Variants in SLC9C2 observed in about 807,000 individuals in gnomAD.
SLC9C2 encodes solute carrier family 9 member C2 (putative).
A neutral mutation model predicts 140.2 loss-of-function variants in SLC9C2; 75 were observed. The ratio of observed to expected loss-of-function variants is 0.53; its 90% CI spans 0.44 to 0.65. SLC9C2 has a LOEUF of 0.65. SLC9C2 is among the 30% of genes least tolerant of loss of function. The probability of loss-of-function intolerance (pLI) is 0.00; values close to 1 mark genes in which losing one functional copy is unlikely to be tolerated. For missense variants in SLC9C2, 1,074 were observed against 1,331.8 expected, an observed-to-expected ratio of 0.81 and a Z score of 3.01; for synonymous variants, 375 against 420.9, an observed-to-expected ratio of 0.89 and a Z score of 1.34.
chr1:173,601,585 GC>G (rs1238344697), intron 2 of SLC9C2, 64 bp downstream of exon 2: 1 of 1,560,470 alleles, frequency 6.4e-7, no homozygotes, highest in Non-Finnish European at 8.7e-7. Flanking sequence ...AGTTGTGATG[GC>G]TTTCTGCATT....
At chr1:173,527,493 C>G (rs1251408541) in intron 18 of SLC9C2, among the ~76,000 whole-genome samples, 1 of 152,186 alleles carries the variant, frequency 6.6e-6, no homozygotes, top group Non-Finnish European at 1.5e-5. Flanking sequence ...ATATTTCTAA[C>G]AAATAACTCC....
chr1:173,565,366 T>C (rs547184643), intron 9 of SLC9C2, among the ~76,000 whole-genome samples: 1 of 152,318 alleles, frequency 6.6e-6, no homozygotes, highest in South Asian at 2.1e-4. Context: ...ATTTAATCCA[T>C]TTTGATTTGA....
intron 13 of SLC9C2, 126 bp downstream of exon 13, chr1:173,547,563 C>A: frequency 1.6e-6 from 1 of 625,658 alleles, no homozygotes; most frequent in Non-Finnish European, 2.6e-6. Context: ...TAACAAATCA[C>A]ACATTAATTT....
intron 17 of SLC9C2, among the ~76,000 whole-genome samples, chr1:173,533,249 CTTTAT>C (rs1383593110): frequency 6.6e-6 from 1 of 152,052 alleles, no homozygotes; most frequent in Non-Finnish European, 1.5e-5. Context: ...AATTTTAATA[CTTTAT>C]TTTATTATTA....
chr1:173,590,980 T>C (rs890912895), intron 4 of SLC9C2, among the ~76,000 whole-genome samples: 4 of 152,196 alleles, frequency 2.6e-5, no homozygotes, highest in African/African-American at 9.7e-5. Context: ...GGGTTTGTTG[T>C]GCAGATTTTT....
intron 9 of SLC9C2, among the ~76,000 whole-genome samples, chr1:173,566,745 A>T (rs1664498089): frequency 1.4e-5 from 2 of 143,686 alleles, no homozygotes; most frequent in Non-Finnish European, 3.0e-5. Flanking sequence ...TTCCTTTTCT[A>T]GTTCTTTAAG....
In SLC9C2 at chr1:173,521,380, C is replaced by G. The variant is rs185834467; in HGVS notation, c.2660G>C (p.Cys887Ser). 2 of 1,514,310 alleles carry G rather than the reference C, an allele frequency of 1.3e-6. No homozygotes were observed. Among genetic ancestry groups the G allele is most frequent in the Admixed American group, 4.6e-5 (2 of 43,760 alleles). The allele number at this position is 1,514,310 out of a possible 1,614,324, so 93.8% of individuals were successfully genotyped here. A position where few individuals can be genotyped will look rare whatever the true frequency, so the allele number is the denominator to read the frequency against. Residue 887 changes from cysteine (C) to serine (S), a missense_variant, in exon 22 of 28, where the codon TGT becomes TCT. Transcript: ENST00000367714. ...DFFKERAKLACFDSGDTICKG... is the reference protein window; with the variant it reads ...DFFKERAKLASFDSGDTICKG... ...ACAAATGGTATCTCCAGAGTCAAAA[C>G]AGGCAAGTTTGGCTCTTTCCTGAGT...
Position 173,576,370 on chromosome 1 carries a change from G to GA in SLC9C2, c.902+290dup, listed in dbSNP as rs909493455. Among the ~76,000 whole-genome samples, 249 of 152,060 alleles carry GA rather than the reference G, an allele frequency of 1.6e-3. 2 individuals carry two copies. Among genetic ancestry groups the GA allele is most frequent in the East Asian group, 6.2e-3 (32 of 5,178 alleles). On this transcript the variant is annotated intron_variant, in intron 8 of 27. Transcript: ENST00000367714. ...TTAGGTATATTATGAAGGAAACAAA[G>GA]AAAAAATGTATCTTTAAATCTCCAT...
chr1:173,563,842 C>G (rs947385877), intron 9 of SLC9C2, among the ~76,000 whole-genome samples: 5 of 152,280 alleles, frequency 3.3e-5, no homozygotes, highest in Middle Eastern at 3.4e-3. Context: ...CACTTTCCCC[C>G]CTTATCCCCC....
At position 173,601,737 on chromosome 1, in the gene SLC9C2, G is replaced by A. The variant is rs372743268; in HGVS notation, c.40C>T (p.Pro14Ser). ...YFWAQNESNR[P>S]DLLCGQPADY... Reference sequence around the variant, plus strand: ...GCTGGCTGCCCGCAGAGTAAATCAGGTCTGTTACTTTCATTTTGTGCCCAG... The same window carrying A: ...GCTGGCTGCCCGCAGAGTAAATCAGATCTGTTACTTTCATTTTGTGCCCAG... Residue 14 changes from proline to serine, a missense_variant, in exon 2 of 28, where the codon CCT becomes TCT. Coordinates refer to ENST00000367714, the MANE Select transcript of SLC9C2 (RefSeq NM_178527.4). The A allele has an allele frequency of 6.2e-7, 1 of 1,614,016 alleles. No individual in the cohort carries two copies.
chr1:173,533,630 A>G lies in SLC9C2; in HGVS notation c.2142T>C (p.Ile714=). The stretch of plus-strand genomic sequence containing the variant: ...TTACCTTGAAGAGAGGAAGAAACCT[A>G]ATTATTCTTAAATATCCCATTATTA... The part of the protein sequence containing the change: ...LTVIMGYLRI[I]RFLPLFKIIV... The change falls in exon 17 of 28, where the codon ATT becomes ATC. Residue 714 remains isoleucine (I), a synonymous_variant. Coordinates refer to ENST00000367714, the MANE Select transcript of SLC9C2 (RefSeq NM_178527.4). The G allele has an allele frequency of 6.3e-7, 1 of 1,594,846 alleles. No individual in the cohort carries two copies. Among genetic ancestry groups the G allele is most frequent in the Non-Finnish European group, 8.5e-7 (1 of 1,172,232 alleles).
chr1:173,590,056 A>G (rs1666067668), intron 4 of SLC9C2, among the ~76,000 whole-genome samples: 1 of 152,174 alleles, frequency 6.6e-6, no homozygotes, highest in Non-Finnish European at 1.5e-5. Flanking sequence ...CAGCCTGGCC[A>G]ACATGGTGAA....
In SLC9C2 at chr1:173,507,872, G is replaced by GT. The variant is rs576082831; in HGVS notation, c.3040-832dup. 1.2e-3 allele frequency among the ~76,000 whole-genome samples: 180 copies of GT among 152,174 alleles called. 1 individual carries two copies. The Middle Eastern group carries it at 0.017, about 14-fold the overall frequency. The stretch of plus-strand genomic sequence containing the variant: ...AGAACTGTGAAACGATGCATTTCTG[G>GT]TTTTTTTACGCCACCCAGTTTGTGG... On this transcript the variant is annotated intron_variant, in intron 24 of 27. Transcript: ENST00000367714.
At chr1:173,519,158 G>A (rs74129110) in intron 22 of SLC9C2, among the ~76,000 whole-genome samples, 4,314 of 152,082 alleles carry the variant, frequency 0.028, 204 homozygotes, top group African/African-American at 0.095. Flanking sequence ...GCAAGTAGAA[G>A]GGAGTCCATC....
At chr1:173,553,013 A>G (rs542791278) in intron 11 of SLC9C2, among the ~76,000 whole-genome samples, 2 of 152,338 alleles carry the variant, frequency 1.3e-5, no homozygotes, top group African/African-American at 4.8e-5. Context: ...CAAAATATCA[A>G]CATTAATAGG....
At chr1:173,575,210 A>G (rs140016954) in intron 8 of SLC9C2, among the ~76,000 whole-genome samples, 25 of 152,230 alleles carry the variant, frequency 1.6e-4, no homozygotes, top group Admixed American at 6.5e-4. Flanking sequence ...TTATTCACAC[A>G]TATTGTTACT....
chr1:173,576,627 T>G, intron 8 of SLC9C2, 34 bp downstream of exon 8: 16 of 1,389,624 alleles, frequency 1.2e-5, no homozygotes, highest in African/African-American at 1.4e-5. Context: ...TAAACTGCTA[T>G]GAGATCCATC....
intron 13 of SLC9C2, among the ~76,000 whole-genome samples, chr1:173,546,590 A>C (rs1489105210): frequency 6.6e-6 from 1 of 152,190 alleles, no homozygotes; most frequent in African/African-American, 2.4e-5. Context: ...CAAAATAAAT[A>C]AAATAAATAA....
rs537960820 is a variant in SLC9C2 at position 173,544,629 on chromosome 1, T to C, written c.1557+3060A>G. Reference sequence around the variant, plus strand: ...ACCCATATGTCCATCAATGATAGACTGGATTAAGAAAATGTGGCACATATA... The same window carrying C: ...ACCCATATGTCCATCAATGATAGACCGGATTAAGAAAATGTGGCACATATA... On this transcript the variant is annotated intron_variant, in intron 13 of 27. Coordinates refer to ENST00000367714, the MANE Select transcript of SLC9C2 (RefSeq NM_178527.4). Among the ~76,000 whole-genome samples the C allele has an allele frequency of 5.3e-5, 8 of 152,316 alleles. No homozygotes were observed. In the East Asian group the frequency reaches 1.4e-3, roughly 26 times the overall value.
Sources: allele counts gnomAD v4.1 joint callset (sites outside exome capture counted in the v4.1 genomes callset), GRCh38; gene constraint gnomAD v4.1.1; transcripts MANE v1.5; gene names NCBI Gene and HGNC (gene_info 2026-07-23, HGNC 2026-07-21).